Variants in MTHFD1 observed in about 807,000 individuals in gnomAD.
The protein encoded by MTHFD1 is C-1-tetrahydrofolate synthase, cytoplasmic.
MTHFD1 carries 44 observed loss-of-function variants against 110.3 expected under a neutral mutation model. The observed-to-expected ratio is 0.40, with a 90% CI of 0.31 to 0.51. MTHFD1 has a LOEUF of 0.51. Ranked by LOEUF, MTHFD1 falls within the 20% of genes least tolerant of loss-of-function variation. MTHFD1 has a pLI of 0.60. For missense variants in MTHFD1, 909 were observed against 1,173.1 expected, an observed-to-expected ratio of 0.77 and a Z score of 3.29; for synonymous variants, 402 against 428.8, an observed-to-expected ratio of 0.94 and a Z score of 0.77.
chr14:64,451,488 G>C (rs2078372344), intron 24 of MTHFD1, among the ~76,000 whole-genome samples: 2 of 152,186 alleles, frequency 1.3e-5, no homozygotes, highest in Admixed American at 6.5e-5. Context: ...TTCTCCTGTT[G>C]AGCTTTGATT....
Position 64,449,614 on chromosome 14 carries a change from G to T in MTHFD1, c.2449G>T (p.Asp817Tyr). Reference protein sequence around the residue: ...QAPSSFQLLYDLKLPVEDKIR... With the variant: ...QAPSSFQLLYYLKLPVEDKIR... ...ACCCAGCAGCTTCCAGCTCCTTTAT[G>T]ACCTCAAGGTGGGTGATTTGCTGTC... is the stretch of plus-strand genomic sequence containing the variant. Residue 817 changes from aspartate (D) to tyrosine (Y), a missense_variant, in exon 24 of 28, where the codon GAC becomes TAC. Physicochemically the swap from Asp to Tyr is radical, Grantham distance 160. Coordinates refer to ENST00000652337, the MANE Select transcript of MTHFD1 (RefSeq NM_005956.4). 4 of 1,614,042 alleles carry T rather than the reference G, an allele frequency of 2.5e-6. No individual in the cohort carries two copies. Among genetic ancestry groups the T allele is most frequent in the South Asian group, 1.1e-5 (1 of 91,070 alleles).
chr14:64,427,925 C>T (rs2078130297), intron 12 of MTHFD1, among the ~76,000 whole-genome samples: 1 of 152,144 alleles, frequency 6.6e-6, no homozygotes, highest in South Asian at 2.1e-4. Flanking sequence ...TCATCCAGTA[C>T]GAGATAGTAT....
At chr14:64,421,790 A>AT (rs992391203) in intron 8 of MTHFD1, among the ~76,000 whole-genome samples, 5 of 151,228 alleles carry the variant, frequency 3.3e-5, no homozygotes, top group Non-Finnish European at 5.9e-5. Flanking sequence ...CGCCCGGCTA[A>AT]TTTTTTTTGT....
At chr14:64,392,884 C>T (rs2077817670) in intron 1 of MTHFD1, among the ~76,000 whole-genome samples, 2 of 152,112 alleles carry the variant, frequency 1.3e-5, no homozygotes, top group East Asian at 3.8e-4. Flanking sequence ...TGGGAGCTGG[C>T]TTATAATCTT....
At position 64,449,526 on chromosome 14, in the gene MTHFD1, C is replaced by G; in HGVS notation, c.2361C>G (p.His787Gln). 1 of 1,614,226 alleles carries G rather than the reference C, an allele frequency of 6.2e-7. No individual in the cohort carries two copies. ...HGAFDAVKCT[H>Q]WAEGGKGALA... ...CTTTTGATGCCGTGAAGTGCACTCA[C>G]TGGGCAGAAGGGGGCAAGGGTGCCT... Residue 787 changes from histidine (H) to glutamine (Q), a missense_variant, in exon 24 of 28, where the codon CAC (histidine) becomes CAG (glutamine). Transcript: ENST00000652337.
chr14:64,396,973 C>T (rs1186622569), intron 1 of MTHFD1, among the ~76,000 whole-genome samples: 2 of 144,788 alleles, frequency 1.4e-5, no homozygotes, highest in African/African-American at 5.1e-5. Flanking sequence ...GGCGTGGTGG[C>T]GGGCGCCTGT....
intron 1 of MTHFD1, among the ~76,000 whole-genome samples, chr14:64,396,337 A>G (rs1442497447): frequency 6.6e-6 from 1 of 151,796 alleles, no homozygotes; most frequent in Non-Finnish European, 1.5e-5. Flanking sequence ...CCTTACAATC[A>G]CAATTATTTT....
At chr14:64,415,841 G>A in intron 6 of MTHFD1, 102 bp downstream of exon 6, 1 of 1,162,162 alleles carries the variant, frequency 8.6e-7, no homozygotes, top group Non-Finnish European at 1.3e-6. Flanking sequence ...TAAATAAATG[G>A]ACTTGATTGG....
intron 21 of MTHFD1, among the ~76,000 whole-genome samples, chr14:64,444,159 T>C (rs1341759699): frequency 1.3e-5 from 2 of 152,172 alleles, no homozygotes; most frequent in East Asian, 1.9e-4. Flanking sequence ...CCTTTAGATA[T>C]ACTCTACAAA....
At chr14:64,434,238 G>A (rs2078185963) in intron 15 of MTHFD1, among the ~76,000 whole-genome samples, 1 of 152,266 alleles carries the variant, frequency 6.6e-6, no homozygotes, top group South Asian at 2.1e-4. Context: ...GGGAAAACAT[G>A]AAGAAGAGGA....
chr14:64,434,395 T>A (rs923125756), intron 15 of MTHFD1, among the ~76,000 whole-genome samples: 2 of 151,792 alleles, frequency 1.3e-5, no homozygotes, highest in South Asian at 2.1e-4. Flanking sequence ...TACAAAAAAA[T>A]TTAAAAACGA....
intron 22 of MTHFD1, among the ~76,000 whole-genome samples, chr14:64,445,496 A>G (rs1441924990): frequency 6.6e-6 from 1 of 152,238 alleles, no homozygotes; most frequent in Non-Finnish European, 1.5e-5. Flanking sequence ...AGGCCATCAG[A>G]TAAGGTGGCA....
At chr14:64,414,176 A>G (rs2357694) in intron 4 of MTHFD1, among the ~76,000 whole-genome samples, 126,126 of 151,836 alleles carry the variant, frequency 0.83, 52,521 homozygotes, top group Middle Eastern at 0.93. Flanking sequence ...TGTATTTTTA[A>G]TTGCCCATAT....
rs2078207455 is a variant in MTHFD1 at position 64,436,551 on chromosome 14, CT to C, written c.1597+883del. ...CACAACTAGTGTAGCTTAGATTTCA[CT>C]TTGCATCAACAATGCAACCTTCTAT... On this transcript the variant is annotated intron_variant, in intron 16 of 27. Coordinates refer to ENST00000652337, the MANE Select transcript of MTHFD1 (RefSeq NM_005956.4). 2.0e-5 allele frequency among the ~76,000 whole-genome samples: 3 copies of C among 152,212 alleles called. No homozygotes were observed. The South Asian group carries it at 6.2e-4, about 32-fold the overall frequency.
At chr14:64,436,147 T>C (rs1287795171) in intron 16 of MTHFD1, among the ~76,000 whole-genome samples, 1 of 152,016 alleles carries the variant, frequency 6.6e-6, no homozygotes, top group Non-Finnish European at 1.5e-5. Context: ...CAGGCTAGAG[T>C]GCAGTGGCAC....
At chr14:64,398,274 G>C (rs143306455) in intron 1 of MTHFD1, among the ~76,000 whole-genome samples, 74 of 152,338 alleles carry the variant, frequency 4.9e-4, no homozygotes, top group Non-Finnish European at 2.9e-5. Context: ...ACTGGGTGCA[G>C]TGGCTTATAA....
chr14:64,443,617 CT>C (rs1372324032), intron 21 of MTHFD1, among the ~76,000 whole-genome samples: 2 of 152,210 alleles, frequency 1.3e-5, no homozygotes, highest in African/African-American at 4.8e-5. Context: ...CCCAGCACCC[CT>C]ATCCAGTCTT....
chr14:64,400,675 C>T (rs1596532199), intron 1 of MTHFD1, 118 bp from the exon 2 acceptor site: 8 of 733,702 alleles, frequency 1.1e-5, no homozygotes, highest in Admixed American at 8.2e-5. Flanking sequence ...GGTGACAGAG[C>T]GAGACCCTGT....
rs772211105 is a variant in MTHFD1 at position 64,412,472 on chromosome 14, A to T, written c.187A>T (p.Ile63Phe). ...CCTGCTTTTAATGTCTGTTTTGCAG[A>T]TTGGGATCAAAGCCACTCACATTAA... ...INVKLKAAEE[I>F]GIKATHIKLP... Residue 63 changes from isoleucine to phenylalanine, a missense_variant and splice_region_variant, in exon 4 of 28, where the codon ATT (isoleucine) becomes TTT (phenylalanine). Coordinates refer to ENST00000652337, the MANE Select transcript of MTHFD1 (RefSeq NM_005956.4). The T allele has an allele frequency of 4.3e-6, 7 of 1,612,192 alleles. No homozygotes were observed. The highest frequency in any genetic ancestry group is 5.1e-6 in the Non-Finnish European group (6 of 1,178,310).
Sources: gnomAD v4.1 joint callset for allele counts (sites outside exome capture counted in the v4.1 genomes callset) on GRCh38, gnomAD v4.1.1 for gene constraint, MANE v1.5 for transcripts, NCBI Gene and HGNC (gene_info 2026-07-23, HGNC 2026-07-21) for gene names.